Variants in TNFRSF1B observed in about 807,000 individuals in gnomAD.
TNFRSF1B encodes tumor necrosis factor receptor superfamily member 1B.
TNFRSF1B carries 19 observed loss-of-function variants against 44.6 expected under a neutral mutation model. The ratio of observed to expected loss-of-function variants is 0.43; its 90% CI spans 0.30 to 0.62. The LOEUF (loss-of-function observed/expected upper bound fraction) is 0.62. Ranked by LOEUF, TNFRSF1B falls within the 20% of genes least tolerant of loss-of-function variation. TNFRSF1B has a pLI of 0.16. For synonymous variants in TNFRSF1B, 252 were observed against 261.1 expected (o/e 0.97, Z 0.34); for missense variants, 541 against 619.9 (o/e 0.87, Z 1.35).
chr1:12,194,495 G>A (rs895745031), intron 7 of TNFRSF1B, 89 bp from the exon 8 acceptor site: 2 of 1,439,100 alleles, frequency 1.4e-6, no homozygotes, highest in African/African-American at 2.8e-5. Context: ...CCTCTCTGCT[G>A]GTTCTATGGG....
At position 12,180,889 on chromosome 1, in the gene TNFRSF1B, C is replaced by A. The variant is rs1638785374; in HGVS notation, c.79-7907C>A. Among the ~76,000 whole-genome samples the A allele has an allele frequency of 6.6e-6, 1 of 152,170 alleles. No individual in the cohort carries two copies. Among genetic ancestry groups the A allele is most frequent in the Admixed American group, 6.5e-5 (1 of 15,280 alleles). ...CGGCCCCTGGGTTTTGTCCACTCAC[C>A]CAGACTCTGTTTTGGGGTCACATTA... On this transcript the variant is annotated intron_variant, in intron 1 of 9. Coordinates refer to ENST00000376259, the MANE Select transcript of TNFRSF1B (RefSeq NM_001066.3). This position sits in a 1 kb window ranked among gnomAD's most constrained non-coding sequence, Gnocchi z 4.3.
At chr1:12,193,844 C>T (rs1639207090) in intron 6 of TNFRSF1B, 111 bp from the exon 7 acceptor site, 1 of 767,750 alleles carries the variant, frequency 1.3e-6, no homozygotes, top group East Asian at 2.4e-5. Flanking sequence ...CCTAGACTCG[C>T]CCCTCATTTG....
intron 5 of TNFRSF1B, 117 bp downstream of exon 5, chr1:12,192,641 G>A: frequency 1.8e-6 from 2 of 1,137,188 alleles, no homozygotes; most frequent in Non-Finnish European, 2.6e-6. Flanking sequence ...CTTTATCTGA[G>A]GGTGGCTCCC....
At chr1:12,174,256 C>CCTTCTCCTTCTCCTTCTCCTTCTCCTT (rs1557623863) in intron 1 of TNFRSF1B, among the ~76,000 whole-genome samples, 2 of 137,324 alleles carry the variant, frequency 1.5e-5, no homozygotes, top group African/African-American at 2.7e-5. Flanking sequence ...TTCTCCTTCT[C>CCTTCTCCTTCTCCTTCTCCTTCTCCTT]CTTCTTCTTC....
rs780601199 is a variant in TNFRSF1B at position 12,177,515 on chromosome 1, C to T, written c.78+10346C>T. ...GAGCAGGATTCCAGGGCCTGCCTGG[C>T]GCTGCTACCCCTGTGCCTCCAGACC... On this transcript the variant is annotated intron_variant, in intron 1 of 9. Coordinates refer to ENST00000376259, the MANE Select transcript of TNFRSF1B (RefSeq NM_001066.3). The surrounding 1 kb of genome is among the most constrained non-coding windows in gnomAD (Gnocchi z 4.3). Among the ~76,000 whole-genome samples, 4 of 152,168 alleles carry T rather than the reference C, an allele frequency of 2.6e-5. No individual in the cohort carries two copies. Among genetic ancestry groups the T allele is most frequent in the East Asian group, 1.9e-4 (1 of 5,182 alleles).
Position 12,168,791 on chromosome 1 carries a change from C to G in TNFRSF1B, c.78+1622C>G, listed in dbSNP as rs139781200. ...CTATTGCCGCAGCCTTGTAGCTGGT[C>G]TCCCGGCCCTGCCCCCTCTCCCGCT... On this transcript the variant is annotated intron_variant, in intron 1 of 9. Transcript: ENST00000376259. This position sits in a 1 kb window ranked among gnomAD's most constrained non-coding sequence, Gnocchi z 4.7. 4.6e-5 allele frequency among the ~76,000 whole-genome samples: 7 copies of G among 152,256 alleles called. No homozygotes were observed. The East Asian group carries it at 1.4e-3, about 29-fold the overall frequency.
At chr1:12,173,127 C>T (rs993094289) in intron 1 of TNFRSF1B, among the ~76,000 whole-genome samples, 3 of 152,110 alleles carry the variant, frequency 2.0e-5, no homozygotes, top group Non-Finnish European at 2.9e-5. Context: ...ATCTGAGCAC[C>T]GTCACTGGCT....
In TNFRSF1B at chr1:12,206,998, A is replaced by G. The variant is rs1161627303; in HGVS notation, c.1364A>G (p.Asp455Gly). 1.3e-6 allele frequency: 2 copies of G among 1,591,836 alleles called. 1 individual carries two copies. The highest frequency in any genetic ancestry group is 2.2e-5 in the South Asian group (2 of 89,824). The change falls in exon 10 of 10, where the codon GAT becomes GGT. Residue 455 changes from aspartate (D) to glycine (G), a missense_variant. By Grantham distance (94) the Asp-to-Gly change is moderately conservative. Coordinates refer to ENST00000376259, the MANE Select transcript of TNFRSF1B (RefSeq NM_001066.3). Reference protein sequence around the residue: ...EEKPLPLGVPDAGMKPS With the variant: ...EEKPLPLGVPGAGMKPS ...AAGCCCCTGCCCCTTGGAGTGCCTGATGCTGGGATGAAGCCCAGTTAACCA... is the reference window on the plus strand; with the variant it reads ...AAGCCCCTGCCCCTTGGAGTGCCTGGTGCTGGGATGAAGCCCAGTTAACCA...
intron 8 of TNFRSF1B, among the ~76,000 whole-genome samples, chr1:12,201,260 C>CAAAAA (rs1177930307): frequency 1.8e-5 from 1 of 55,798 alleles, no homozygotes; most frequent in African/African-American, 6.5e-5. Flanking sequence ...GACCCTGTCT[C>CAAAAA]AAAAAAAAAA....
At chr1:12,188,017 A>C (rs1326521986) in intron 1 of TNFRSF1B, among the ~76,000 whole-genome samples, 1 of 152,202 alleles carries the variant, frequency 6.6e-6, no homozygotes, top group Non-Finnish European at 1.5e-5. Flanking sequence ...GAGCAGCAGA[A>C]ACGCTTAGAA....
chr1:12,183,699 TC>T (rs1638880615), intron 1 of TNFRSF1B, among the ~76,000 whole-genome samples: 2 of 102,266 alleles, frequency 2.0e-5, no homozygotes, highest in African/African-American at 6.5e-5. Context: ...TATCTATCTA[TC>T]TATCTATCTA....
At chr1:12,192,788 G>A in intron 5 of TNFRSF1B, 75 bp from the exon 6 acceptor site, 1 of 1,295,258 alleles carries the variant, frequency 7.7e-7, no homozygotes, top group Non-Finnish European at 1.1e-6. Flanking sequence ...TGCCTGCTGG[G>A]GCCCGTGAAT....
intron 3 of TNFRSF1B, among the ~76,000 whole-genome samples, 200 bp downstream of exon 3, chr1:12,191,285 G>A (rs564976618): frequency 1.6e-4 from 25 of 152,400 alleles, no homozygotes; most frequent in African/African-American, 6.0e-4. Flanking sequence ...CCACGGGGCA[G>A]GCGGTGGGAG....
chr1:12,183,664 C>CTATCTATCTATCTATCTATTG (rs1638871200), intron 1 of TNFRSF1B, among the ~76,000 whole-genome samples: 1 of 97,142 alleles, frequency 1.0e-5, no homozygotes, highest in Non-Finnish European at 2.2e-5. Flanking sequence ...TTTTATCTAT[C>CTATCTATCTATCTATCTATTG]TATCTATCTA....
At chr1:12,167,978 G>C (rs1027576371) in intron 1 of TNFRSF1B, among the ~76,000 whole-genome samples, 2 of 152,186 alleles carry the variant, frequency 1.3e-5, no homozygotes, top group African/African-American at 4.8e-5. Flanking sequence ...GCCTGTTTTT[G>C]ACTGTCTCCT....
chr1:12,184,345 ATT>A, intron 1 of TNFRSF1B, among the ~76,000 whole-genome samples: 1 of 139,820 alleles, frequency 7.2e-6, no homozygotes, highest in African/African-American at 2.6e-5. Context: ...AAGGCTGTGG[ATT>A]TTTTTTTTTT....
chr1:12,173,425 C>T (rs1014456917), intron 1 of TNFRSF1B, among the ~76,000 whole-genome samples: 4 of 152,288 alleles, frequency 2.6e-5, no homozygotes, highest in Middle Eastern at 3.4e-3. Flanking sequence ...GGCTCCAGGG[C>T]CATCAAGAAT....
chr1:12,198,708 T>TTTTTTTTTTTTTTG (rs1557638867), intron 8 of TNFRSF1B, among the ~76,000 whole-genome samples: 2 of 146,832 alleles, frequency 1.4e-5, no homozygotes, highest in African/African-American at 2.5e-5. Context: ...TTTTTTTTTT[T>TTTTTTTTTTTTTTG]GAGAAAGAGT....
chr1:12,197,952 C>T (rs1163367126), intron 8 of TNFRSF1B, among the ~76,000 whole-genome samples: 3 of 152,010 alleles, frequency 2.0e-5, no homozygotes, highest in Admixed American at 1.3e-4. Flanking sequence ...AGTGAAACCC[C>T]ATCTCTACTA....
Sources: gnomAD v4.1 joint callset for allele counts (sites outside exome capture counted in the v4.1 genomes callset) on GRCh38, gnomAD v4.1.1 for gene constraint, Gnocchi (gnomAD v3.1) non-coding constraint, MANE v1.5 for transcripts, NCBI Gene and HGNC (gene_info 2026-07-23, HGNC 2026-07-21) for gene names.